MED13L: variants seen among roughly 807,000 people sequenced by gnomAD.
MED13L encodes mediator complex subunit 13L.
A neutral mutation model predicts 220.9 loss-of-function variants in MED13L; 7 were observed. That is an observed-to-expected ratio of 0.03 (90% confidence interval 0.02 to 0.06). MED13L has a LOEUF of 0.06. Ranked by LOEUF, MED13L falls within the 10% of genes least tolerant of loss-of-function variation. The probability of loss-of-function intolerance (pLI) is 1.00; values close to 1 mark genes in which losing one functional copy is unlikely to be tolerated. For missense variants in MED13L, 1,965 were observed against 2,760.5 expected (o/e 0.71, Z 6.46); for synonymous variants, 1,011 against 1,015.2 (o/e 1.00, Z 0.08).
chr12:116,072,493 C>A (rs981505575), intron 4 of MED13L, among the ~76,000 whole-genome samples: 12 of 152,168 alleles, frequency 7.9e-5, no homozygotes, highest in African/African-American at 2.9e-4. Context: ...GCTCTGCCGC[C>A]CAGGCTAGAG....
chr12:116,204,471 T>G (rs551896752), intron 2 of MED13L, among the ~76,000 whole-genome samples: 5 of 152,352 alleles, frequency 3.3e-5, no homozygotes, highest in African/African-American at 1.2e-4. Flanking sequence ...TCATGGCAAT[T>G]CTTACAACAA....
intron 2 of MED13L, among the ~76,000 whole-genome samples, chr12:116,177,327 T>C (rs1421605350): frequency 6.6e-6 from 1 of 152,196 alleles, no homozygotes; most frequent in African/African-American, 2.4e-5. Context: ...AGAATACCAC[T>C]TGTAAAGAAG....
intron 4 of MED13L, among the ~76,000 whole-genome samples, chr12:116,080,217 C>G (rs981716586): frequency 4.9e-4 from 74 of 152,058 alleles, no homozygotes; most frequent in African/African-American, 1.7e-3. Flanking sequence ...AGGGGCTGAC[C>G]TTCTTTATAT....
chr12:116,174,563 G>A (rs766772871), intron 2 of MED13L: 9 of 151,558 alleles, frequency 5.9e-5, no homozygotes, highest in Non-Finnish European at 1.3e-4. Context: ...CTGACTATTC[G>A]ATTTTGCTAA....
intron 2 of MED13L, among the ~76,000 whole-genome samples, chr12:116,185,145 G>C (rs1306038914): frequency 3.3e-5 from 5 of 151,882 alleles, no homozygotes; most frequent in African/African-American, 4.8e-5. Context: ...ATAAAAATTC[G>C]TAACTAGTAA....
chr12:116,206,588 C>T (rs545663242), intron 2 of MED13L, among the ~76,000 whole-genome samples: 19 of 151,930 alleles, frequency 1.3e-4, no homozygotes, highest in Middle Eastern at 6.8e-3. Context: ...AATTAGCAAG[C>T]CAAAGGGCTG....
chr12:116,167,929 C>T (rs1482502563), intron 2 of MED13L, among the ~76,000 whole-genome samples: 1 of 152,116 alleles, frequency 6.6e-6, no homozygotes, highest in Non-Finnish European at 1.5e-5. Flanking sequence ...AAAGGAATGA[C>T]ATTTTCTAGA....
chr12:116,142,486 G>C (rs113469387), intron 2 of MED13L, among the ~76,000 whole-genome samples: 3 of 151,990 alleles, frequency 2.0e-5, no homozygotes, highest in African/African-American at 7.3e-5. Flanking sequence ...GCAGGAGTTC[G>C]AGACCAGCCT....
chr12:116,265,703 A>G (rs1004062200), intron 1 of MED13L, among the ~76,000 whole-genome samples: 1 of 152,210 alleles, frequency 6.6e-6, no homozygotes, highest in Non-Finnish European at 1.5e-5. Context: ...CCACACTTCA[A>G]ATTTTCCACC....
At chr12:116,112,368 CAG>C (rs1874163704) in intron 2 of MED13L, among the ~76,000 whole-genome samples, 1 of 152,158 alleles carries the variant, frequency 6.6e-6, no homozygotes, top group Non-Finnish European at 1.5e-5. Context: ...CAAAAGCACT[CAG>C]AGGAGAAAAT....
intron 2 of MED13L, among the ~76,000 whole-genome samples, chr12:116,213,434 G>A (rs1353946956): frequency 3.3e-5 from 5 of 152,154 alleles, no homozygotes; most frequent in South Asian, 4.1e-4. Context: ...TTTCTGAGAC[G>A]GAGTTTTGCT....
chr12:116,158,169 G>A (rs961505072), intron 2 of MED13L, among the ~76,000 whole-genome samples: 116 of 149,642 alleles, frequency 7.8e-4, no homozygotes, highest in Admixed American at 2.2e-3. Context: ...AAAAAAAACC[G>A]AGAAACAGAT....
intron 4 of MED13L, among the ~76,000 whole-genome samples, chr12:116,093,146 A>G (rs937290702): frequency 2.0e-4 from 30 of 152,146 alleles, no homozygotes; most frequent in African/African-American, 7.2e-4. Context: ...TTTCCAAATG[A>G]TTTTCACCGG....
In MED13L at chr12:115,975,522, G is replaced by C. The variant is rs765522411; in HGVS notation, c.5581C>G (p.Pro1861Ala). ...LETCVVNIAL[P>A]NRSRRSKVSA... ...AACATCAAGTCTTCTCACCTGTTTG[G>C]TAAAGCAATATTTACAACGCAGGTC... Residue 1861 changes from proline to alanine, a missense_variant, in exon 24 of 31, where the codon CCA becomes GCA. Pro to Ala is a conservative substitution (Grantham distance 27). Transcript: ENST00000281928. The C allele has an allele frequency of 3.7e-6, 6 of 1,613,648 alleles. No homozygotes were observed. In the Admixed American group the frequency reaches 8.3e-5, roughly 22 times the overall value.
At position 116,096,354 on chromosome 12, in the gene MED13L, C is replaced by CAAAAAAAAAAAAAA. The variant is rs537207957; in HGVS notation, c.479+301_479+314dup. The stretch of plus-strand genomic sequence containing the variant: ...TGGGTGACAGAGTGAGACACAGCCT[C>CAAAAAAAAAAAAAA]AAAAAAAAAAAAAAAAAAAAAAAAA... On this transcript the variant is annotated intron_variant, in intron 4 of 30. Transcript: ENST00000281928. 4.8e-3 allele frequency among the ~76,000 whole-genome samples: 113 copies of CAAAAAAAAAAAAAA among 23,560 alleles called. 7 individuals carry two copies. The highest frequency in any genetic ancestry group is 8.2e-3 in the East Asian group (4 of 490). The allele number at this position is 23,560 out of a possible 152,430, so 15.5% of individuals were successfully genotyped here.
intron 2 of MED13L, among the ~76,000 whole-genome samples, chr12:116,230,264 G>A (rs1869427017): frequency 1.3e-5 from 2 of 152,100 alleles, no homozygotes; most frequent in South Asian, 2.1e-4. Context: ...GCTGGGCATG[G>A]TGGCGAGCAT....
intron 14 of MED13L, among the ~76,000 whole-genome samples, chr12:115,999,178 C>G (rs2137340837): frequency 6.6e-6 from 1 of 152,164 alleles, no homozygotes; most frequent in East Asian, 1.9e-4. Context: ...TTTAGGAGGC[C>G]AAGGCAGGCA....
intron 25 of MED13L, among the ~76,000 whole-genome samples, chr12:115,973,305 T>A (rs1876713432): frequency 6.6e-6 from 1 of 152,244 alleles, no homozygotes; most frequent in East Asian, 1.9e-4. Flanking sequence ...CTAAGGCTCC[T>A]GTCATACACT....
intron 2 of MED13L, among the ~76,000 whole-genome samples, chr12:116,214,059 A>G (rs562775067): frequency 5.9e-5 from 9 of 152,214 alleles, no homozygotes; most frequent in African/African-American, 2.2e-4. Flanking sequence ...TACTCTGCCT[A>G]TGGGGTAGCC....
Sources: allele counts gnomAD v4.1 joint callset (sites outside exome capture counted in the v4.1 genomes callset), GRCh38; gene constraint gnomAD v4.1.1; transcripts MANE v1.5; gene names NCBI Gene and HGNC (gene_info 2026-07-23, HGNC 2026-07-21).